The following PTPRN2 variants were observed in gnomAD, a reference collection of about 807,000 sequenced individuals.
PTPRN2 encodes receptor-type tyrosine-protein phosphatase N2.
A neutral mutation model predicts 118.8 loss-of-function variants in PTPRN2; 74 were observed. The ratio of observed to expected loss-of-function variants is 0.62; its 90% CI spans 0.52 to 0.76. PTPRN2 has a LOEUF of 0.76. PTPRN2 is among the 30% of genes least tolerant of loss of function. The pLI is 0.00. For missense variants in PTPRN2, 1,481 were observed against 1,394.4 expected (o/e 1.06, Z -0.99); for synonymous variants, 641 against 608.0 (o/e 1.05, Z -0.80).
intron 3 of PTPRN2, among the ~76,000 whole-genome samples, chr7:158,228,643 A>G (rs1828971472): frequency 1.3e-5 from 2 of 152,012 alleles, no homozygotes; most frequent in South Asian, 2.1e-4. Context: ...CAGAAAATTG[A>G]AAACACCCCA....
chr7:158,264,734 T>C (rs939319903), intron 3 of PTPRN2, among the ~76,000 whole-genome samples: 1 of 152,216 alleles, frequency 6.6e-6, no homozygotes, highest in Admixed American at 6.5e-5. Context: ...GCTCCAGGAC[T>C]GCCTCAAGTG....
rs1266667420 is a variant in PTPRN2, at chr7:157,583,264, A to G, written c.2497-5124T>C. Among the ~76,000 whole-genome samples, 1 of 152,144 alleles carries G rather than the reference A, an allele frequency of 6.6e-6. No individual in the cohort carries two copies. Among genetic ancestry groups the G allele is most frequent in the Non-Finnish European group, 1.5e-5 (1 of 68,004 alleles). The stretch of plus-strand genomic sequence containing the variant: ...ATGATCTCACTCACATGTGGCACCT[A>G]AAAAGGACGAACTCAGGGACAGAGT... On this transcript the variant is annotated intron_variant, in intron 17 of 22. Coordinates refer to ENST00000389418, the MANE Select transcript of PTPRN2 (RefSeq NM_002847.5). The surrounding 1 kb of genome is among the most constrained non-coding windows in gnomAD (Gnocchi z 5.5).
intron 13 of PTPRN2, among the ~76,000 whole-genome samples, chr7:157,657,621 TAC>T (rs746232667): frequency 0.068 from 3,123 of 46,262 alleles, 340 homozygotes; most frequent in East Asian, 0.12. Flanking sequence ...ATCACACATA[TAC>T]ACACACACAC....
chr7:158,301,367 G>T (rs538059979), intron 3 of PTPRN2, among the ~76,000 whole-genome samples: 1 of 152,156 alleles, frequency 6.6e-6, no homozygotes, highest in Non-Finnish European at 1.5e-5. Flanking sequence ...ATTAATATGC[G>T]CTCAATTGTA....
chr7:158,322,766 T>C (rs1803145409), intron 2 of PTPRN2, among the ~76,000 whole-genome samples: 5 of 152,364 alleles, frequency 3.3e-5, no homozygotes, highest in African/African-American at 1.2e-4. Flanking sequence ...TCCCAGGAGC[T>C]AGAGGAGGCC....
rs537749905 is a variant in PTPRN2 at position 158,291,256 on chromosome 7, A to G, written c.277+25563T>C. On this transcript the variant is annotated intron_variant, in intron 3 of 22. Transcript: ENST00000389418. ...GGATCTAGCTGTGTTGCTTTGTATT[A>G]TTCAAGATGTCTAATCATTTTCACA... Among the ~76,000 whole-genome samples the G allele has an allele frequency of 2.0e-5, 3 of 152,314 alleles. No individual in the cohort carries two copies. The South Asian group carries it at 6.2e-4, about 32-fold the overall frequency.
chr7:158,325,767 G>A (rs533349749), intron 2 of PTPRN2, among the ~76,000 whole-genome samples: 106 of 152,348 alleles, frequency 7.0e-4, no homozygotes, highest in African/African-American at 2.4e-3. Context: ...GCACTAGCAC[G>A]TTCCAGGGCT....
intron 21 of PTPRN2, among the ~76,000 whole-genome samples, chr7:157,557,029 G>A (rs1289369753): frequency 6.8e-6 from 1 of 147,574 alleles, no homozygotes; most frequent in Non-Finnish European, 1.5e-5. Flanking sequence ...ATACAGGCAT[G>A]CACACATCCA....
At chr7:157,658,953 C>T (rs1465767118) in intron 13 of PTPRN2, among the ~76,000 whole-genome samples, 1 of 152,074 alleles carries the variant, frequency 6.6e-6, no homozygotes, top group East Asian at 1.9e-4. Flanking sequence ...TTGCACTCCC[C>T]AAGGCAATCG....
chr7:157,831,411 C>T lies in PTPRN2; in HGVS notation c.1788+67262G>A, dbSNP rs941301213. Among the ~76,000 whole-genome samples the T allele has an allele frequency of 2.0e-5, 3 of 152,302 alleles. No homozygotes were observed. The highest frequency in any genetic ancestry group is 3.9e-4 in the East Asian group (2 of 5,176). ...TCTTCCCGAAGCATCTTAACTGATG[C>T]GGGTTCTGTGTCCAGGGAAGAGCAG... On this transcript the variant is annotated intron_variant, in intron 12 of 22. Coordinates refer to ENST00000389418, the MANE Select transcript of PTPRN2 (RefSeq NM_002847.5). The surrounding 1 kb of genome is among the most constrained non-coding windows in gnomAD (Gnocchi z 4.8).
Position 158,138,318 on chromosome 7 carries a change from T to G in PTPRN2, c.1108A>C (p.Thr370Pro). The part of the protein sequence containing the change: ...SGEQADGPKA[T>P]LRGDSFPDDG... ...CCTGGAAAGCTGTCTCCACGGAGGG[T>G]GGCCTTGGGGCCATCCGCCTGTTCT... is the stretch of plus-strand genomic sequence containing the variant. Residue 370 changes from threonine to proline, a missense_variant, in exon 7 of 23, where the codon ACC becomes CCC. Around this residue, in one of 3 missense-constraint regions of PTPRN2, gnomAD observed 1,115 missense variants for 994.2 expected, o/e 1.12. Transcript: ENST00000389418. 6.2e-7 allele frequency: 1 copy of G among 1,613,018 alleles called. No homozygotes were observed. The highest frequency in any genetic ancestry group is 8.5e-7 in the Non-Finnish European group (1 of 1,179,988).
At chr7:158,230,849 A>T (rs1829119761) in intron 3 of PTPRN2, among the ~76,000 whole-genome samples, 1 of 152,238 alleles carries the variant, frequency 6.6e-6, no homozygotes, top group Non-Finnish European at 1.5e-5. Flanking sequence ...ATTTAAATGT[A>T]CTCAATTCTC....
At chr7:158,393,339 A>G (rs774948186) in intron 2 of PTPRN2, among the ~76,000 whole-genome samples, 3 of 152,244 alleles carry the variant, frequency 2.0e-5, no homozygotes, top group Non-Finnish European at 2.9e-5. Flanking sequence ...CTGAAGGAAA[A>G]TTAAAGTTCA....
rs142779359 is a variant in PTPRN2, at chr7:157,914,706, G to A, written c.1724-15969C>T. Among the ~76,000 whole-genome samples, 46 of 151,900 alleles carry A rather than the reference G, an allele frequency of 3.0e-4. No homozygotes were observed. The South Asian group carries it at 6.2e-3, about 21-fold the overall frequency. ...TACTCTGCTGGAACACTTATGAATC[G>A]TGTGTAAGAGTTGCCTAATCTGCTA... On this transcript the variant is annotated intron_variant, in intron 11 of 22. Transcript: ENST00000389418.
intron 2 of PTPRN2, among the ~76,000 whole-genome samples, chr7:158,471,298 C>A (rs1366607733): frequency 6.6e-6 from 1 of 152,020 alleles, no homozygotes; most frequent in Non-Finnish European, 1.5e-5. Context: ...ACCACGCCCA[C>A]TGGACTTACC....
chr7:158,002,188 C>T (rs575800906), intron 11 of PTPRN2, among the ~76,000 whole-genome samples: 202 of 152,322 alleles, frequency 1.3e-3, no homozygotes, highest in South Asian at 6.8e-3. Flanking sequence ...AGGCAAGCAG[C>T]CCCCGCGGGA....
intron 4 of PTPRN2, among the ~76,000 whole-genome samples, chr7:158,193,104 G>A (rs532030891): frequency 6.6e-5 from 10 of 152,356 alleles, no homozygotes; most frequent in African/African-American, 2.2e-4. Flanking sequence ...GCCATCGCGT[G>A]CACCATGCAG....
rs117651851 is a variant in PTPRN2 at position 158,060,445 on chromosome 7, G to A, written c.1723+20853C>T. On this transcript the variant is annotated intron_variant, in intron 11 of 22. Coordinates refer to ENST00000389418, the MANE Select transcript of PTPRN2 (RefSeq NM_002847.5). ...TCTCCCCAGCTCCCACGGCTGTGGC[G>A]GCACCTCTCCGTCTCTGTCTGCGCA... 7.9e-3 allele frequency among the ~76,000 whole-genome samples: 1,199 copies of A among 152,328 alleles called. 52 individuals carry two copies. In the East Asian group the frequency reaches 0.13, roughly 16 times the overall value.
intron 11 of PTPRN2, among the ~76,000 whole-genome samples, chr7:157,924,414 A>G (rs1798856177): frequency 6.6e-6 from 1 of 152,128 alleles, no homozygotes; most frequent in African/African-American, 2.4e-5. Flanking sequence ...CTGTTGCCAG[A>G]GCTCAGCTGC....
Sources: allele counts gnomAD v4.1 joint callset (sites outside exome capture counted in the v4.1 genomes callset), GRCh38; gene constraint gnomAD v4.1.1; regional missense constraint gnomAD v4.1.1; non-coding constraint Gnocchi (gnomAD v3.1); transcripts MANE v1.5; gene names NCBI Gene and HGNC (gene_info 2026-07-23, HGNC 2026-07-21).